The following URB1 variants were observed in gnomAD, a reference collection of about 807,000 sequenced individuals.
URB1 encodes the protein URB1 ribosome biogenesis factor.
Under a neutral mutation model 242.3 loss-of-function variants are expected in URB1, and 197 were observed. That is an observed-to-expected ratio of 0.81 (90% CI 0.72 to 0.91). URB1 has a LOEUF of 0.91. Ranked by LOEUF, URB1 falls within the 40% of genes least tolerant of loss-of-function variation. URB1 has a pLI of 0.00. For missense variants in URB1, 2,721 were observed against 2,860.5 expected (o/e 0.95, Z 1.11); for synonymous variants, 1,153 against 1,201.8 (o/e 0.96, Z 0.84).
In URB1 at chr21:32,316,624, G is replaced by A. The variant is rs1441566124; in HGVS notation, c.6476C>T (p.Ala2159Val). ...CTGCACAGGCCCTGCCAGCCCCTCAGCCCCACAGAGCCGGCTATACAGCCT... is the reference window on the plus strand; with the variant it reads ...CTGCACAGGCCCTGCCAGCCCCTCAACCCCACAGAGCCGGCTATACAGCCT... ...IFRLYSRLCG[A>V]EGLAGPVQEV... The change falls in exon 38 of 39, where the codon GCT becomes GTT. Residue 2159 changes from alanine (A) to valine (V), a missense_variant. Physicochemically the swap from Ala to Val is moderately conservative, Grantham distance 64. Coordinates refer to ENST00000382751, the MANE Select transcript of URB1 (RefSeq NM_014825.3). 4.5e-6 allele frequency: 7 copies of A among 1,551,586 alleles called. No homozygotes were observed. The East Asian group carries it at 1.7e-4, about 38-fold the overall frequency.
chr21:32,384,496 C>A (rs1421171092), intron 2 of URB1, 32 bp from the exon 3 acceptor site: 1 of 1,542,900 alleles, frequency 6.5e-7, no homozygotes, highest in South Asian at 1.2e-5. Context: ...GCTTAGAAAT[C>A]GTCTCATTTC....
At chr21:32,361,207 A>AAAGAAAGAAAGAAAGAAAGAAGC (rs1392794221) in intron 12 of URB1, 84 bp from the exon 13 acceptor site, 1 of 260,396 alleles carries the variant, frequency 3.8e-6, no homozygotes. Context: ...AAGAAAGAAA[A>AAAGAAAGAAAGAAAGAAAGAAGC]TAGCTTGAAT....
intron 19 of URB1, among the ~76,000 whole-genome samples, chr21:32,351,299 C>A (rs2033155100): frequency 6.6e-6 from 1 of 152,162 alleles, no homozygotes; most frequent in Non-Finnish European, 1.5e-5. Flanking sequence ...CTGCGAGTGG[C>A]CTGCCTTCGG....
intron 2 of URB1, 23 bp from the exon 3 acceptor site, chr21:32,384,487 C>T (rs1475264993): frequency 1.9e-6 from 3 of 1,545,476 alleles, no homozygotes; most frequent in South Asian, 2.4e-5. Flanking sequence ...AATTGAAACG[C>T]TTAGAAATCG....
intron 21 of URB1, 147 bp from the exon 22 acceptor site, chr21:32,347,958 T>G: frequency 7.5e-7 from 1 of 1,331,646 alleles, no homozygotes. Flanking sequence ...AGCCTACATT[T>G]CCATGCCCCC....
chr21:32,326,133 G>A (rs954561188), intron 30 of URB1, among the ~76,000 whole-genome samples: 6 of 152,260 alleles, frequency 3.9e-5, no homozygotes, highest in Admixed American at 2.0e-4. Context: ...CTTCACTAAC[G>A]AAACTGAGGA....
chr21:32,338,670 C>A (rs1341778684), intron 26 of URB1, 37 bp downstream of exon 26: 2 of 1,548,968 alleles, frequency 1.3e-6, no homozygotes, highest in Non-Finnish European at 1.7e-6. Context: ...GAGATAAAAT[C>A]TGGATACGGA....
rs2032993126 is a variant in URB1, at chr21:32,338,742, G to A, written c.4475C>T (p.Ser1492Phe). 6.4e-7 allele frequency: 1 copy of A among 1,551,694 alleles called. No individual in the cohort carries two copies. The highest frequency in any genetic ancestry group is 1.4e-5 in the African/African-American group (1 of 73,156). Residue 1492 changes from serine to phenylalanine, a missense_variant, in exon 26 of 39, where the codon TCT (serine) becomes TTT (phenylalanine). By Grantham distance (155) the Ser-to-Phe change is radical. Coordinates refer to ENST00000382751, the MANE Select transcript of URB1 (RefSeq NM_014825.3). The part of the protein sequence containing the change: ...HSLFLPTLLT[S>F]DGEESPDSQV... ...GCTGTCCGGGCTCTCCTCTCCGTCA[G>A]ACGTCAGTAGAGTCGGCAGAAACAG...
chr21:32,311,711 C>A lies in URB1; in HGVS notation c.*3207G>T. The A allele has an allele frequency of 6.2e-7, 1 of 1,613,984 alleles. No individual in the cohort carries two copies. Among genetic ancestry groups the A allele is most frequent in the Non-Finnish European group, 8.5e-7 (1 of 1,179,964 alleles). On this transcript the variant is annotated 3_prime_UTR_variant, in exon 39 of 39. Coordinates refer to ENST00000382751, the MANE Select transcript of URB1 (RefSeq NM_014825.3). ...ACAGCCCCAAGCACCACCAAACATGCCCCTGGAGTCACGGCCTCAACCTCC... is the reference window on the plus strand; with the variant it reads ...ACAGCCCCAAGCACCACCAAACATGACCCTGGAGTCACGGCCTCAACCTCC...
chr21:32,339,632 A>G (rs539544658), intron 25 of URB1, among the ~76,000 whole-genome samples: 1 of 151,836 alleles, frequency 6.6e-6, no homozygotes, highest in Admixed American at 6.6e-5. Flanking sequence ...CTGGGACTAT[A>G]GGCGCCCACC....
rs749463390 is a variant in URB1, at chr21:32,312,342, C to T, written c.*2576G>A. 12 of 1,212,310 alleles carry T rather than the reference C, an allele frequency of 9.9e-6. No individual in the cohort carries two copies. Among genetic ancestry groups the T allele is most frequent in the East Asian group, 5.1e-5 (1 of 19,798 alleles). The allele number at this position is 1,212,310 out of a possible 1,614,324, so 75.1% of individuals were successfully genotyped here. A position where few individuals can be genotyped will look rare whatever the true frequency, so the allele number is the denominator to read the frequency against. ...GCCACTTTACCATTACTGTGTAATG[C>T]GTTATCAGCCCTGAGTTCACCTGGT... is the stretch of plus-strand genomic sequence containing the variant. On this transcript the variant is annotated 3_prime_UTR_variant, in exon 39 of 39. Transcript: ENST00000382751.
At chr21:32,340,058 G>A (rs1016782797) in intron 25 of URB1, among the ~76,000 whole-genome samples, 2 of 152,190 alleles carry the variant, frequency 1.3e-5, no homozygotes, top group East Asian at 1.9e-4. Flanking sequence ...AGTCCTATAC[G>A]AATAACTTTA....
intron 19 of URB1, 87 bp from the exon 20 acceptor site, chr21:32,351,009 C>T (rs2033151392): frequency 6.8e-6 from 9 of 1,332,268 alleles, no homozygotes; most frequent in East Asian, 5.1e-5. Context: ...ACACAACAAA[C>T]GGACATTTCA....
intron 21 of URB1, among the ~76,000 whole-genome samples, chr21:32,348,855 A>G (rs1299718059): frequency 6.6e-6 from 1 of 152,248 alleles, no homozygotes; most frequent in Non-Finnish European, 1.5e-5. Flanking sequence ...ACCCGGTAAA[A>G]CAGGTTACAT....
chr21:32,354,191 C>A, intron 17 of URB1, 88 bp from the exon 18 acceptor site: 1 of 1,467,092 alleles, frequency 6.8e-7, no homozygotes. Flanking sequence ...AAGCAGAATA[C>A]GTGCAAAAAG....
chr21:32,333,123 T>C (rs1476840597), intron 30 of URB1, 194 bp downstream of exon 30: 1 of 570,890 alleles, frequency 1.8e-6, no homozygotes, highest in Non-Finnish European at 3.1e-6. Flanking sequence ...TAAATCACTG[T>C]ATGTTCAAAA....
intron 30 of URB1, among the ~76,000 whole-genome samples, chr21:32,329,328 T>C (rs2032867416): frequency 1.3e-5 from 2 of 152,168 alleles, no homozygotes; most frequent in South Asian, 2.1e-4. Context: ...TGTTGGAGCA[T>C]CAGAAATCTT....
chr21:32,383,664 C>G, intron 3 of URB1, 110 bp from the exon 4 acceptor site: 1 of 1,214,694 alleles, frequency 8.2e-7, no homozygotes, highest in South Asian at 2.5e-5. Flanking sequence ...ATCCCCAAAC[C>G]AGAAAAAAAG....
At chr21:32,337,642 G>T in intron 26 of URB1, 128 bp from the exon 27 acceptor site, 1 of 646,626 alleles carries the variant, frequency 1.5e-6, no homozygotes, top group Non-Finnish European at 2.6e-6. Context: ...ACTGGTGTTT[G>T]GACTGCCATC....
Sources: allele counts gnomAD v4.1 joint callset (sites outside exome capture counted in the v4.1 genomes callset), GRCh38; gene constraint gnomAD v4.1.1; transcripts MANE v1.5; gene names NCBI Gene and HGNC (gene_info 2026-07-23, HGNC 2026-07-21).